Variants in CDH22 observed in about 807,000 individuals in gnomAD.
The protein encoded by CDH22 is cadherin 22, also known as cadherin-22.
A neutral mutation model predicts 58.4 loss-of-function variants in CDH22; 30 were observed. The ratio of observed to expected loss-of-function variants is 0.51; its 90% confidence interval spans 0.38 to 0.70. The LOEUF is 0.70. CDH22 is among the 30% of genes least tolerant of loss of function. The pLI is 0.00. For missense variants in CDH22, 1,014 were observed against 1,233.9 expected (o/e 0.82, Z 2.67); for synonymous variants, 513 against 558.2 (o/e 0.92, Z 1.14).
chr20:46,185,897 G>A (rs934551679), intron 10 of CDH22, among the ~76,000 whole-genome samples: 10 of 151,928 alleles, frequency 6.6e-5, no homozygotes, highest in African/African-American at 2.4e-4. Flanking sequence ...AAAGGAATGT[G>A]AGTGGAATAA....
At chr20:46,301,027 A>G (rs1288440888) in intron 1 of CDH22, among the ~76,000 whole-genome samples, 1 of 152,234 alleles carries the variant, frequency 6.6e-6, no homozygotes, top group Non-Finnish European at 1.5e-5. Flanking sequence ...TATAGGGTGA[A>G]AAAAAGCAGG....
chr20:46,176,695 A>G (rs1163590941), intron 11 of CDH22, among the ~76,000 whole-genome samples: 2 of 152,246 alleles, frequency 1.3e-5, no homozygotes, highest in East Asian at 1.9e-4. Flanking sequence ...GTGACAGGGA[A>G]GAGCACGAGA....
At chr20:46,209,536 A>G (rs919500086) in intron 7 of CDH22, among the ~76,000 whole-genome samples, 1 of 152,104 alleles carries the variant, frequency 6.6e-6, no homozygotes, top group Non-Finnish European at 1.5e-5. Context: ...CAACAATTCT[A>G]GGTTAAAGAG....
chr20:46,212,187 G>A (rs575468578), intron 6 of CDH22, among the ~76,000 whole-genome samples: 473 of 152,336 alleles, frequency 3.1e-3, no homozygotes, highest in Non-Finnish European at 5.7e-3. Flanking sequence ...AGGCTGATAG[G>A]CACAGATTTA....
At chr20:46,281,820 A>C (rs796614606) in intron 1 of CDH22, among the ~76,000 whole-genome samples, 14 of 152,376 alleles carry the variant, frequency 9.2e-5, no homozygotes, top group African/African-American at 3.4e-4. Context: ...GGATATGAGA[A>C]AGGAGTTTAC....
intron 4 of CDH22, among the ~76,000 whole-genome samples, chr20:46,225,293 T>C (rs2086163131): frequency 6.6e-6 from 1 of 152,218 alleles, no homozygotes; most frequent in African/African-American, 2.4e-5. Context: ...TTGTTTGTTG[T>C]AGCAAAAGAT....
intron 5 of CDH22, among the ~76,000 whole-genome samples, chr20:46,215,099 A>C (rs1347681335): frequency 6.6e-6 from 1 of 152,242 alleles, no homozygotes; most frequent in Non-Finnish European, 1.5e-5. Context: ...GGGGGAAAAC[A>C]GTTTGGCTTT....
chr20:46,257,688 G>A (rs2086413209), intron 1 of CDH22, among the ~76,000 whole-genome samples: 1 of 152,240 alleles, frequency 6.6e-6, no homozygotes, highest in African/African-American at 2.4e-5. Context: ...GAGATACGGA[G>A]CAGGCTCCTG....
chr20:46,266,538 T>G (rs2086460401), intron 1 of CDH22, among the ~76,000 whole-genome samples: 1 of 152,234 alleles, frequency 6.6e-6, no homozygotes, highest in East Asian at 1.9e-4. Context: ...CAGTCTCCCT[T>G]AGCCCCTTCT....
Position 46,182,651 on chromosome 20 carries a change from G to A in CDH22, c.1663+3937C>T, listed in dbSNP as rs115396375. Among the ~76,000 whole-genome samples the A allele has an allele frequency of 5.9e-3, 891 of 152,298 alleles. 7 individuals are homozygous for A. Among genetic ancestry groups the A allele is most frequent in the African/African-American group, 0.018 (769 of 41,568 alleles). On this transcript the variant is annotated intron_variant, in intron 10 of 11. Coordinates refer to ENST00000537909, the MANE Select transcript of CDH22 (RefSeq NM_021248.3). ...TGGGCAGCAGCTGGCTTCAGTTGGG[G>A]AAGCCTCTGGCCACCCCGGTCCCCT... is the stretch of plus-strand genomic sequence containing the variant.
chr20:46,295,186 A>G (rs974004386), intron 1 of CDH22, among the ~76,000 whole-genome samples: 1 of 152,220 alleles, frequency 6.6e-6, no homozygotes, highest in African/African-American at 2.4e-5. Context: ...CTCTCCATGC[A>G]ACGTCCTTTG....
intron 1 of CDH22, among the ~76,000 whole-genome samples, chr20:46,255,077 A>G (rs899233058): frequency 2.6e-5 from 4 of 152,164 alleles, no homozygotes; most frequent in African/African-American, 7.2e-5. Context: ...GCTGGAGTGC[A>G]GTGGCGTGAT....
intron 1 of CDH22, among the ~76,000 whole-genome samples, chr20:46,265,943 GAT>G (rs2086457351): frequency 8.1e-6 from 1 of 123,252 alleles, no homozygotes; most frequent in South Asian, 2.6e-4. Context: ...CATTCACACA[GAT>G]ACACACACAC....
At chr20:46,204,591 C>T (rs1415528465) in intron 7 of CDH22, among the ~76,000 whole-genome samples, 1 of 152,102 alleles carries the variant, frequency 6.6e-6, no homozygotes, top group Non-Finnish European at 1.5e-5. Flanking sequence ...ACTGTCATCA[C>T]TCTCATTTTA....
intron 4 of CDH22, among the ~76,000 whole-genome samples, chr20:46,226,743 C>T (rs1007456451): frequency 6.6e-6 from 1 of 152,214 alleles, no homozygotes; most frequent in Non-Finnish European, 1.5e-5. Context: ...CCCGCCTTCA[C>T]CCAAGCCAGG....
In CDH22 at chr20:46,284,338, G is replaced by T. The variant is rs144719763; in HGVS notation, c.-400+23917C>A. Among the ~76,000 whole-genome samples the T allele has an allele frequency of 1.5e-3, 234 of 152,332 alleles. 1 individual carries two copies. The highest frequency in any genetic ancestry group is 5.1e-3 in the African/African-American group (210 of 41,578). ...CTCAGCCTCCCTGCTCCTAAGCCCT[G>T]GCTGGAAGAAGCGGTTCACAACTTT... On this transcript the variant is annotated intron_variant, in intron 1 of 11. Coordinates refer to ENST00000537909, the MANE Select transcript of CDH22 (RefSeq NM_021248.3).
At position 46,277,526 on chromosome 20, in the gene CDH22, A is replaced by G. The variant is rs183905419; in HGVS notation, c.-399-25833T>C. Reference sequence around the variant, plus strand: ...TCTATCGTTCTTTGTTTTAACTAATAAACGTTGTTAACCAATGAAGGGGTA... The same window carrying G: ...TCTATCGTTCTTTGTTTTAACTAATGAACGTTGTTAACCAATGAAGGGGTA... On this transcript the variant is annotated intron_variant, in intron 1 of 11. Transcript: ENST00000537909. Among the ~76,000 whole-genome samples, 4 of 152,318 alleles carry G rather than the reference A, an allele frequency of 2.6e-5. No individual in the cohort carries two copies. In the East Asian group the frequency reaches 7.7e-4, roughly 29 times the overall value.
At chr20:46,266,066 A>G (rs2086458163) in intron 1 of CDH22, among the ~76,000 whole-genome samples, 1 of 151,904 alleles carries the variant, frequency 6.6e-6, no homozygotes, top group African/African-American at 2.4e-5. Flanking sequence ...GATTTTGGGT[A>G]TGTGGCTCCA....
chr20:46,215,411 C>T (rs2086076920), intron 5 of CDH22, among the ~76,000 whole-genome samples: 1 of 152,118 alleles, frequency 6.6e-6, no homozygotes, highest in Admixed American at 6.5e-5. Context: ...ATGATTCATC[C>T]CATTTATATA....
Sources: allele counts gnomAD v4.1 joint callset (sites outside exome capture counted in the v4.1 genomes callset), GRCh38; gene constraint gnomAD v4.1.1; transcripts MANE v1.5; gene names NCBI Gene and HGNC (gene_info 2026-07-23, HGNC 2026-07-21).